Variants in MAPRE2 observed in about 807,000 individuals in gnomAD.
The protein encoded by MAPRE2 is microtubule-associated protein RP/EB family member 2.
A neutral mutation model predicts 43.2 loss-of-function variants in MAPRE2; 13 were observed. The observed-to-expected ratio is 0.30, with a 90% CI of 0.20 to 0.48. The LOEUF is 0.48. Ranked by LOEUF, MAPRE2 falls within the 20% of genes least tolerant of loss-of-function variation. The pLI is 0.99. For synonymous variants in MAPRE2, 135 were observed against 148.8 expected (o/e 0.91, Z 0.68); for missense variants, 161 against 400.2 (o/e 0.40, Z 5.10).
chr18:34,981,891 T>TTA (rs869154393), intron 1 of MAPRE2, among the ~76,000 whole-genome samples: 6 of 29,222 alleles, frequency 2.1e-4, no homozygotes, highest in East Asian at 1.6e-3. Context: ...TTATTTATTT[T>TTA]TTTTTTTTTT....
chr18:35,009,194 G>T (rs914496561), intron 2 of MAPRE2, among the ~76,000 whole-genome samples: 27 of 152,084 alleles, frequency 1.8e-4, no homozygotes, highest in African/African-American at 6.5e-4. Context: ...GGGAGTTTGG[G>T]GAGGGGGAGG....
At chr18:35,084,558 T>C (rs1233552849) in intron 2 of MAPRE2, among the ~76,000 whole-genome samples, 2 of 152,228 alleles carry the variant, frequency 1.3e-5, no homozygotes, top group Admixed American at 6.5e-5. Context: ...TTATTTCTTT[T>C]CCTGTACAAG....
At chr18:35,082,126 T>TAAA (rs561631469) in intron 2 of MAPRE2, 1 of 113,250 alleles carries the variant, frequency 8.8e-6, no homozygotes, top group Non-Finnish European at 1.6e-5. Flanking sequence ...CCGTCTCTAC[T>TAAA]AAAAATACAA....
chr18:35,063,999 T>TAAAAAAAAAAAAAAAAA (rs1568989696), intron 1 of MAPRE2, among the ~76,000 whole-genome samples: 1 of 60,692 alleles, frequency 1.6e-5, no homozygotes, highest in African/African-American at 5.0e-5. Context: ...CCCTGTCTCT[T>TAAAAAAAAAAAAAAAAA]TAAAAAAAAA....
intron 1 of MAPRE2, among the ~76,000 whole-genome samples, chr18:34,987,940 G>A (rs1275037203): frequency 1.3e-5 from 2 of 152,146 alleles, no homozygotes; most frequent in African/African-American, 4.8e-5. Context: ...ACCGCACCTG[G>A]CCTATAAGTC....
At chr18:35,095,264 CAGAA>C (rs991883942) in intron 2 of MAPRE2, among the ~76,000 whole-genome samples, 5 of 151,868 alleles carry the variant, frequency 3.3e-5, no homozygotes, top group African/African-American at 4.8e-5. Flanking sequence ...TTAAGTGACT[CAGAA>C]AGAGAATTAT....
intron 1 of MAPRE2, among the ~76,000 whole-genome samples, chr18:35,047,025 C>T (rs182338463): frequency 1.3e-4 from 20 of 152,234 alleles, no homozygotes; most frequent in East Asian, 1.2e-3. Context: ...TAAAAAGTTC[C>T]GATGTGGCTG....
chr18:35,105,797 C>T (rs1908877691), intron 4 of MAPRE2, among the ~76,000 whole-genome samples: 1 of 152,006 alleles, frequency 6.6e-6, no homozygotes, highest in Non-Finnish European at 1.5e-5. Flanking sequence ...TAAAGAGCCT[C>T]ATAGTATCCT....
At chr18:35,041,708 G>T (rs756448981) in intron 1 of MAPRE2, 47 bp downstream of exon 1, 1 of 1,613,360 alleles carries the variant, frequency 6.2e-7, no homozygotes, top group South Asian at 1.1e-5. Flanking sequence ...CCGTGAGGGC[G>T]CGCGGAAATC....
chr18:35,140,436 G>T lies in MAPRE2; in HGVS notation c.*67G>T. On this transcript the variant is annotated 3_prime_UTR_variant, in exon 7 of 7. Transcript: ENST00000300249. Reference sequence around the variant, plus strand: ...CGTTTCTTCTGGAGAATTGGAACATGTGTGGCCCCAAGCTCAACAGAAACC... The same window carrying T: ...CGTTTCTTCTGGAGAATTGGAACATTTGTGGCCCCAAGCTCAACAGAAACC... The T allele has an allele frequency of 1.4e-6, 2 of 1,445,310 alleles. No individual in the cohort carries two copies. Among genetic ancestry groups the T allele is most frequent in the Admixed American group, 4.0e-5 (2 of 50,352 alleles). 89.5% of individuals were successfully genotyped at this position (1,445,310 alleles called of 1,614,324 possible). A position where few individuals can be genotyped will look rare whatever the true frequency, so the allele number is the denominator to read the frequency against.
At chr18:35,137,254 G>A (rs1910432074) in intron 6 of MAPRE2, among the ~76,000 whole-genome samples, 1 of 152,224 alleles carries the variant, frequency 6.6e-6, no homozygotes, top group South Asian at 2.1e-4. Context: ...TGACATCACA[G>A]AGGGGTCCTG....
At chr18:35,059,569 C>T (rs976117854) in intron 1 of MAPRE2, among the ~76,000 whole-genome samples, 1 of 152,160 alleles carries the variant, frequency 6.6e-6, no homozygotes, top group African/African-American at 2.4e-5. Context: ...CTTCATAGAG[C>T]TTACATCCTG....
At chr18:35,008,950 G>A (rs565744315) in intron 2 of MAPRE2, among the ~76,000 whole-genome samples, 42 of 147,790 alleles carry the variant, frequency 2.8e-4, no homozygotes, top group Admixed American at 2.0e-3. Context: ...GTGTTTTGGG[G>A]TGTGTGTGTG....
chr18:35,002,112 C>A (rs1376237966), intron 1 of MAPRE2, among the ~76,000 whole-genome samples: 5 of 152,196 alleles, frequency 3.3e-5, no homozygotes, highest in Non-Finnish European at 5.9e-5. Flanking sequence ...CTCCTCTTAA[C>A]CCCTGGCAAC....
At position 35,042,758 on chromosome 18, in the gene MAPRE2, GC is replaced by G. The variant is rs1905431116; in HGVS notation, c.122+1098del. Reference sequence around the variant, plus strand: ...TAAAGCGCATCCTCTCAGCTGATGAGCAACAGGAAATAACTCTTTTTTTCCT... The same window carrying G: ...TAAAGCGCATCCTCTCAGCTGATGAGAACAGGAAATAACTCTTTTTTTCCT... On this transcript the variant is annotated intron_variant, in intron 1 of 6. Transcript: ENST00000300249. 2.0e-5 allele frequency among the ~76,000 whole-genome samples: 3 copies of G among 152,260 alleles called. No homozygotes were observed. In the South Asian group the frequency reaches 6.2e-4, roughly 32 times the overall value.
intron 1 of MAPRE2, among the ~76,000 whole-genome samples, chr18:35,049,415 T>C (rs1001871843): frequency 6.6e-6 from 1 of 152,240 alleles, no homozygotes; most frequent in Non-Finnish European, 1.5e-5. Flanking sequence ...TCTTGGGTTT[T>C]ACACAATTAT....
chr18:35,117,045 G>A (rs748746648), intron 4 of MAPRE2, among the ~76,000 whole-genome samples: 3 of 152,224 alleles, frequency 2.0e-5, no homozygotes, highest in African/African-American at 4.8e-5. Flanking sequence ...CAAACCACAT[G>A]GGAGAAGACA....
chr18:35,055,786 C>T (rs1906199232), intron 1 of MAPRE2, among the ~76,000 whole-genome samples: 1 of 151,952 alleles, frequency 6.6e-6, no homozygotes, highest in South Asian at 2.1e-4. Context: ...GAAACCTTGT[C>T]TCTACTAAGA....
At chr18:35,014,632 A>T (rs1312304784) in intron 2 of MAPRE2, among the ~76,000 whole-genome samples, 1 of 152,044 alleles carries the variant, frequency 6.6e-6, no homozygotes, top group Non-Finnish European at 1.5e-5. Flanking sequence ...TGGTACAGAG[A>T]TTGTAACTAA....
Sources: gnomAD v4.1 joint callset for allele counts (sites outside exome capture counted in the v4.1 genomes callset) on GRCh38, gnomAD v4.1.1 for gene constraint, MANE v1.5 for transcripts, NCBI Gene and HGNC (gene_info 2026-07-23, HGNC 2026-07-21) for gene names.